PHLPP1: variants seen among roughly 807,000 people sequenced by gnomAD.
The protein encoded by PHLPP1 is PH domain and leucine rich repeat protein phosphatase 1, also known as PH domain leucine-rich repeat-containing protein phosphatase 1.
In PHLPP1, 42 loss-of-function variants were observed where a neutral mutation model predicts 117.2. The ratio of observed to expected loss-of-function variants is 0.36; its 90% CI spans 0.28 to 0.46. The LOEUF (loss-of-function observed/expected upper bound fraction) is 0.46, where lower values mean the gene tolerates loss of function less well. PHLPP1 is among the 20% of genes least tolerant of loss of function. The pLI is 1.00. For synonymous variants in PHLPP1, 1,042 were observed against 970.7 expected (o/e 1.07, Z -1.37); for missense variants, 2,084 against 2,241.9 (o/e 0.93, Z 1.42).
At chr18:62,920,173 T>A in intron 10 of PHLPP1, 59 bp downstream of exon 10, 1 of 1,458,616 alleles carries the variant, frequency 6.9e-7, no homozygotes, top group Admixed American at 1.8e-5. Flanking sequence ...ATTTGTATCT[T>A]TGTCTTTCGT....
At position 62,849,832 on chromosome 18, in the gene PHLPP1, A is replaced by ATATATATATATATATATATATAT. The variant is rs747097979; in HGVS notation, c.1900-10603_1900-10602insTATATATATATATATATATATAT. On this transcript the variant is annotated intron_variant, in intron 3 of 16. Transcript: ENST00000262719. ...AAAAAAAAAAAAAAAAAAAAAAAAA[A>ATATATATATATATATATATATAT]ATATATATATCCTTTAAAGTTTAGT... 3.6e-4 allele frequency among the ~76,000 whole-genome samples: 12 copies of ATATATATATATATATATATATAT among 33,084 alleles called. 1 individual carries two copies. The highest frequency in any genetic ancestry group is 5.4e-4 in the Admixed American group (1 of 1,850). The allele number at this position is 33,084 out of a possible 152,430, so 21.7% of individuals were successfully genotyped here. A position where few individuals can be genotyped will look rare whatever the true frequency, so the allele number is the denominator to read the frequency against.
Position 62,729,181 on chromosome 18 carries a change from A to G in PHLPP1, c.1576+11922A>G, listed in dbSNP as rs182807281. 4.6e-5 allele frequency among the ~76,000 whole-genome samples: 7 copies of G among 152,302 alleles called. No individual in the cohort carries two copies. In the East Asian group the frequency reaches 5.8e-4, roughly 13 times the overall value. On this transcript the variant is annotated intron_variant, in intron 1 of 16. Transcript: ENST00000262719. ...TTTGGCAAACGGGCTTTCATGGTCT[A>G]TTGACCAATTCTTAGTTATTATATA... is the stretch of plus-strand genomic sequence containing the variant.
At chr18:62,745,094 C>A (rs1219324583) in intron 1 of PHLPP1, among the ~76,000 whole-genome samples, 2 of 152,190 alleles carry the variant, frequency 1.3e-5, no homozygotes, top group East Asian at 1.9e-4. Context: ...AATTTTAATA[C>A]CATTGCATTT....
intron 3 of PHLPP1, among the ~76,000 whole-genome samples, chr18:62,845,058 A>G (rs1359055425): frequency 6.6e-6 from 1 of 151,244 alleles, no homozygotes; most frequent in Non-Finnish European, 1.5e-5. Context: ...TGTAGGGAAA[A>G]GGAAAAGGCA....
intron 16 of PHLPP1, among the ~76,000 whole-genome samples, chr18:62,978,000 G>T (rs554654924): frequency 6.6e-6 from 1 of 152,284 alleles, no homozygotes; most frequent in East Asian, 1.9e-4. Flanking sequence ...TAGTGTGAAT[G>T]GGGTCCCAGT....
rs558491782 is a variant in PHLPP1, at chr18:62,850,402, A to G, written c.1900-10033A>G. On this transcript the variant is annotated intron_variant, in intron 3 of 16. Coordinates refer to ENST00000262719, the MANE Select transcript of PHLPP1 (RefSeq NM_194449.4). Reference sequence around the variant, plus strand: ...ACTCCATCTCGGGGGGGCGGGGGGGAAAACAAGTAGTTCATTTCTAGTAGT... The same window carrying G: ...ACTCCATCTCGGGGGGGCGGGGGGGGAAACAAGTAGTTCATTTCTAGTAGT... Among the ~76,000 whole-genome samples the G allele has an allele frequency of 9.8e-5, 13 of 133,246 alleles. No individual in the cohort carries two copies. In the East Asian group the frequency reaches 2.3e-3, roughly 23 times the overall value. 87.4% of individuals were successfully genotyped at this position (133,246 alleles called of 152,430 possible). A position where few individuals can be genotyped will look rare whatever the true frequency, so the allele number is the denominator to read the frequency against.
At chr18:62,727,697 A>C (rs891561232) in intron 1 of PHLPP1, among the ~76,000 whole-genome samples, 2 of 151,948 alleles carry the variant, frequency 1.3e-5, no homozygotes, top group African/African-American at 4.8e-5. Context: ...CTGGGGATTA[A>C]AATCTACAAT....
At chr18:62,824,754 C>T (rs1398671683) in intron 1 of PHLPP1, among the ~76,000 whole-genome samples, 1 of 151,836 alleles carries the variant, frequency 6.6e-6, no homozygotes, top group African/African-American at 2.4e-5. Flanking sequence ...CTTTTTGGCT[C>T]TGAAAAAAAT....
chr18:62,891,341 A>G (rs1439101358), intron 4 of PHLPP1, among the ~76,000 whole-genome samples: 1 of 152,260 alleles, frequency 6.6e-6, no homozygotes, highest in African/African-American at 2.4e-5. Context: ...TAATCCCAAC[A>G]GTTTGGGAGG....
chr18:62,874,737 C>T (rs1916005546), intron 4 of PHLPP1, among the ~76,000 whole-genome samples: 1 of 152,146 alleles, frequency 6.6e-6, no homozygotes, highest in African/African-American at 2.4e-5. Context: ...GCCATGTGGA[C>T]ACACTGGTGA....
intron 6 of PHLPP1, among the ~76,000 whole-genome samples, chr18:62,896,554 C>A (rs1916568058): frequency 6.6e-6 from 1 of 152,126 alleles, no homozygotes; most frequent in Admixed American, 6.5e-5. Flanking sequence ...CTCGGCCTCC[C>A]AAAGTGCTGG....
intron 8 of PHLPP1, among the ~76,000 whole-genome samples, chr18:62,907,592 A>G (rs1916887203): frequency 7.1e-6 from 1 of 140,618 alleles, no homozygotes; most frequent in Non-Finnish European, 1.5e-5. Flanking sequence ...AGGGAAGTTT[A>G]GAGAAAAAAG....
chr18:62,716,030 C>A lies in PHLPP1; in HGVS notation c.347C>A (p.Ala116Asp). The A allele has an allele frequency of 7.1e-7, 1 of 1,403,742 alleles. No individual in the cohort carries two copies. Among genetic ancestry groups the A allele is most frequent in the East Asian group, 3.0e-5 (1 of 32,894 alleles). 87.0% of individuals were successfully genotyped at this position (1,403,742 alleles called of 1,614,324 possible). ...AAPVPGAGGG[A>D]NSLLLRRGRL... ...CCCGTACCCGGGGCCGGCGGCGGCGCCAACTCCCTCCTGCTGAGGAGAGGG... is the reference window on the plus strand; with the variant it reads ...CCCGTACCCGGGGCCGGCGGCGGCGACAACTCCCTCCTGCTGAGGAGAGGG... The change falls in exon 1 of 17, where the codon GCC becomes GAC. Residue 116 changes from alanine to aspartate, a missense_variant. Physicochemically the swap from Ala to Asp is moderately radical, Grantham distance 126. Around this residue, in one of 2 missense-constraint regions of PHLPP1, gnomAD observed 719 missense variants for 636.0 expected, o/e 1.13. Coordinates refer to ENST00000262719, the MANE Select transcript of PHLPP1 (RefSeq NM_194449.4). The surrounding 1 kb of genome is among the most constrained non-coding windows in gnomAD (Gnocchi z 5.7).
At chr18:62,941,952 G>T in intron 11 of PHLPP1, 34 bp downstream of exon 11, 1 of 1,516,130 alleles carries the variant, frequency 6.6e-7, no homozygotes. Flanking sequence ...GTTCTGAATT[G>T]CATTTCTCAA....
At position 62,715,988 on chromosome 18, in the gene PHLPP1, TTGCCGGCGGGGCTGCCCCCGTACCCGG is replaced by T. The variant is rs1910713171; in HGVS notation, c.306_332del (p.Ile102_Gly111delinsMet). On this transcript the variant is annotated inframe_deletion, in exon 1 of 17. Coordinates refer to ENST00000262719, the MANE Select transcript of PHLPP1 (RefSeq NM_194449.4). ...AGGCGGCGCGGGGCGCCCCAGCCCATTGCCGGCGGGGCTGCCCCCGTACCCGGGGCCGGCGGCGGCGCCAACTCCCTC... is the reference window on the plus strand; with the variant it reads ...AGGCGGCGCGGGGCGCCCCAGCCCATGGCCGGCGGCGGCGCCAACTCCCTC... 3 of 1,336,140 alleles carry T rather than the reference TTGCCGGCGGGGCTGCCCCCGTACCCGG, an allele frequency of 2.2e-6. No individual in the cohort carries two copies. The highest frequency in any genetic ancestry group is 1.6e-5 in the African/African-American group (1 of 64,206). The allele number at this position is 1,336,140 out of a possible 1,614,324, so 82.8% of individuals were successfully genotyped here.
At chr18:62,933,279 A>T (rs1052941172) in intron 10 of PHLPP1, among the ~76,000 whole-genome samples, 1 of 152,202 alleles carries the variant, frequency 6.6e-6, no homozygotes, top group African/African-American at 2.4e-5. Context: ...TCATGTGGAA[A>T]CACAAAAGAG....
At chr18:62,829,677 G>A (rs964039966) in intron 1 of PHLPP1, among the ~76,000 whole-genome samples, 2 of 152,090 alleles carry the variant, frequency 1.3e-5, no homozygotes, top group Non-Finnish European at 2.9e-5. Flanking sequence ...GCTTGAACCT[G>A]GGAGGCAGAG....
rs1236015747 is a variant in PHLPP1 at position 62,715,753 on chromosome 18, C to CCGGCGGCCGCCGCTG, written c.75_89dup (p.Ala36_Ala40dup). 14 of 1,179,006 alleles carry CCGGCGGCCGCCGCTG rather than the reference C, an allele frequency of 1.2e-5. No homozygotes were observed. The highest frequency in any genetic ancestry group is 1.5e-5 in the Non-Finnish European group (14 of 951,000). The allele number at this position is 1,179,006 out of a possible 1,614,324, so 73.0% of individuals were successfully genotyped here. A position where few individuals can be genotyped will look rare whatever the true frequency, so the allele number is the denominator to read the frequency against. On this transcript the variant is annotated inframe_insertion, in exon 1 of 17. Transcript: ENST00000262719. ...CGGCAGGGAGGACCGAGCTTCGGCT[C>CCGGCGGCCGCCGCTG]CGGCGGCCGCCGCTGCGGCAGCAGC... is the stretch of plus-strand genomic sequence containing the variant.
intron 4 of PHLPP1, among the ~76,000 whole-genome samples, chr18:62,866,034 A>C (rs1296914228): frequency 6.6e-6 from 1 of 152,186 alleles, no homozygotes; most frequent in East Asian, 1.9e-4. Context: ...AACTTAAAAT[A>C]AAAGTTAAAA....
Sources: gnomAD v4.1 joint callset for allele counts (sites outside exome capture counted in the v4.1 genomes callset) on GRCh38, gnomAD v4.1.1 for gene constraint, gnomAD v4.1.1 regional missense constraint, Gnocchi (gnomAD v3.1) non-coding constraint, MANE v1.5 for transcripts, NCBI Gene and HGNC (gene_info 2026-07-23, HGNC 2026-07-21) for gene names.